The following RPS6KA2 variants were observed in gnomAD, a reference collection of about 807,000 sequenced individuals.
RPS6KA2 encodes ribosomal protein S6 kinase A2.
Under a neutral mutation model 91.8 loss-of-function variants are expected in RPS6KA2, and 42 were observed. The ratio of observed to expected loss-of-function variants is 0.46; its 90% CI spans 0.36 to 0.59. RPS6KA2 has a LOEUF of 0.59. Among genes scored for constraint, RPS6KA2 ranks in the 20% least tolerant of loss-of-function variants. The pLI is 0.00. For missense variants in RPS6KA2, 798 were observed against 978.5 expected, an observed-to-expected ratio of 0.82 and a Z score of 2.46; for synonymous variants, 414 against 393.6, an observed-to-expected ratio of 1.05 and a Z score of -0.61.
chr6:166,466,249 A>G (rs1379054939), intron 11 of RPS6KA2, among the ~76,000 whole-genome samples: 1 of 152,142 alleles, frequency 6.6e-6, no homozygotes, highest in Non-Finnish European at 1.5e-5. Context: ...CTGTGTAGAG[A>G]AGGCTCTTAT....
chr6:166,498,809 C>T lies in RPS6KA2; in HGVS notation c.605-159G>A, dbSNP rs183709646. Among the ~76,000 whole-genome samples, 328 of 152,298 alleles carry T rather than the reference C, an allele frequency of 2.2e-3. 4 individuals are homozygous for T. Among genetic ancestry groups the T allele is most frequent in the African/African-American group, 7.3e-3 (305 of 41,556 alleles). ...AAAGCGGGACCATGTGAGTGCTTCC[C>T]GAAGCCCGTCAGTGCCCGAAGCCCG... is the stretch of plus-strand genomic sequence containing the variant. On this transcript the variant is annotated intron_variant, in intron 7 of 20. Coordinates refer to ENST00000265678, the MANE Select transcript of RPS6KA2 (RefSeq NM_021135.6).
intron 2 of RPS6KA2, among the ~76,000 whole-genome samples, chr6:166,826,337 C>T (rs1304125222): frequency 6.6e-6 from 1 of 152,254 alleles, no homozygotes; most frequent in African/African-American, 2.4e-5. Flanking sequence ...TCTCTTCTCT[C>T]ACACACAATC....
At chr6:166,509,121 T>C (rs947996887) in intron 4 of RPS6KA2, among the ~76,000 whole-genome samples, 19 of 152,230 alleles carry the variant, frequency 1.2e-4, no homozygotes, top group Non-Finnish European at 1.0e-4. Context: ...GCATCATAAA[T>C]GTGGGGGTTT....
At chr6:166,461,762 T>G (rs1404268601) in intron 11 of RPS6KA2, among the ~76,000 whole-genome samples, 1 of 152,198 alleles carries the variant, frequency 6.6e-6, no homozygotes, top group Non-Finnish European at 1.5e-5. Flanking sequence ...GTGAAGTGTT[T>G]ACCTCCGGAA....
intron 2 of RPS6KA2, among the ~76,000 whole-genome samples, chr6:166,766,635 A>G (rs1237762612): frequency 6.6e-6 from 1 of 152,234 alleles, no homozygotes. Context: ...AAAGACATTT[A>G]TAAGTATGGC....
chr6:166,640,486 CA>C (rs1787395724), intron 2 of RPS6KA2, among the ~76,000 whole-genome samples: 1 of 152,154 alleles, frequency 6.6e-6, no homozygotes, highest in Non-Finnish European at 1.5e-5. Flanking sequence ...CTCCCCTCAT[CA>C]GGGGAGCTCG....
chr6:166,815,040 C>T (rs375258632), intron 2 of RPS6KA2, among the ~76,000 whole-genome samples: 1 of 152,286 alleles, frequency 6.6e-6, no homozygotes, highest in African/African-American at 2.4e-5. Flanking sequence ...GGGACCACTG[C>T]TTTCAAGGTA....
intron 2 of RPS6KA2, chr6:166,702,290 G>C: frequency 3.1e-6 from 5 of 1,613,498 alleles, no homozygotes; most frequent in African/African-American, 2.7e-5. Context: ...CCCCTGCCTT[G>C]AGGAGCCCCT....
chr6:166,715,131 T>C (rs1789974953), intron 2 of RPS6KA2, among the ~76,000 whole-genome samples: 1 of 152,170 alleles, frequency 6.6e-6, no homozygotes, highest in South Asian at 2.1e-4. Flanking sequence ...GGTGGAGCAC[T>C]GGGAGGCCCC....
intron 1 of RPS6KA2, among the ~76,000 whole-genome samples, chr6:166,615,927 T>C (rs1215230141): frequency 6.6e-6 from 1 of 152,190 alleles, no homozygotes; most frequent in Non-Finnish European, 1.5e-5. Flanking sequence ...TCTCCCTGCA[T>C]ACACAGGCCT....
chr6:166,573,463 T>G (rs1256833758), intron 1 of RPS6KA2, among the ~76,000 whole-genome samples: 1 of 152,240 alleles, frequency 6.6e-6, no homozygotes, highest in Non-Finnish European at 1.5e-5. Flanking sequence ...GAAGACGTAC[T>G]GCTGTCTATG....
intron 7 of RPS6KA2, among the ~76,000 whole-genome samples, chr6:166,499,512 G>A (rs935505116): frequency 1.3e-5 from 2 of 152,234 alleles, no homozygotes; most frequent in African/African-American, 4.8e-5. Context: ...AATCATGGGG[G>A]TGGGTTTTTC....
At position 166,557,886 on chromosome 6, in the gene RPS6KA2, G is replaced by A. The variant is rs887566095; in HGVS notation, c.100-19102C>T. Among the ~76,000 whole-genome samples, 1 of 151,988 alleles carries A rather than the reference G, an allele frequency of 6.6e-6. No individual in the cohort carries two copies. Among genetic ancestry groups the A allele is most frequent in the South Asian group, 2.1e-4 (1 of 4,818 alleles). On this transcript the variant is annotated intron_variant, in intron 1 of 20. Coordinates refer to ENST00000265678, the MANE Select transcript of RPS6KA2 (RefSeq NM_021135.6). This position sits in a 1 kb window ranked among gnomAD's most constrained non-coding sequence, Gnocchi z 4.8. The stretch of plus-strand genomic sequence containing the variant: ...AGCCTGTTACACCAGTGTATGTCAG[G>A]GTTCTTCAGAAAAACAAAACCAGTA...
In RPS6KA2 at chr6:166,829,116, G is replaced by C. The variant is rs1032185437; in HGVS notation, c.123+29084C>G. 1.6e-3 allele frequency among the ~76,000 whole-genome samples: 251 copies of C among 152,254 alleles called. 2 individuals carry two copies. The highest frequency in any genetic ancestry group is 5.8e-3 in the African/African-American group (239 of 41,550). On this transcript the variant is annotated intron_variant, in intron 2 of 21. Coordinates refer to the RPS6KA2 transcript ENST00000503859. Reference sequence around the variant, plus strand: ...CAACATCACGAATCATGAGAGAAATGCAAATTAAAGCCACAGTAAGGCACC... The same window carrying C: ...CAACATCACGAATCATGAGAGAAATCCAAATTAAAGCCACAGTAAGGCACC...
At chr6:166,558,392 T>C (rs1014576306) in intron 1 of RPS6KA2, among the ~76,000 whole-genome samples, 340 of 152,310 alleles carry the variant, frequency 2.2e-3, no homozygotes, top group African/African-American at 7.9e-3. Context: ...CCTACCCGTA[T>C]CTAGGGGGCA....
At chr6:166,514,038 T>C (rs1782557933) in intron 3 of RPS6KA2, among the ~76,000 whole-genome samples, 1 of 152,200 alleles carries the variant, frequency 6.6e-6, no homozygotes, top group African/African-American at 2.4e-5. Flanking sequence ...TTCTTCTCTA[T>C]GTAGGTGAAC....
intron 2 of RPS6KA2, among the ~76,000 whole-genome samples, chr6:166,764,360 C>T (rs891581918): frequency 6.6e-6 from 1 of 152,078 alleles, no homozygotes; most frequent in African/African-American, 2.4e-5. Flanking sequence ...CCAGGGTGGC[C>T]GAGGAGCAGG....
At chr6:166,690,544 T>C (rs983924462) in intron 2 of RPS6KA2, among the ~76,000 whole-genome samples, 3 of 152,232 alleles carry the variant, frequency 2.0e-5, no homozygotes, top group Non-Finnish European at 4.4e-5. Flanking sequence ...ACTCCCTCTA[T>C]GAGCTCGAAG....
At chr6:166,729,921 G>A (rs959671885) in intron 2 of RPS6KA2, among the ~76,000 whole-genome samples, 6 of 152,058 alleles carry the variant, frequency 3.9e-5, no homozygotes, top group Non-Finnish European at 8.8e-5. Flanking sequence ...TGTCTAAATG[G>A]GCTTCCCATG....
Sources: gnomAD v4.1 joint callset for allele counts (sites outside exome capture counted in the v4.1 genomes callset) on GRCh38, gnomAD v4.1.1 for gene constraint, Gnocchi (gnomAD v3.1) non-coding constraint, MANE v1.5 for transcripts, NCBI Gene and HGNC (gene_info 2026-07-23, HGNC 2026-07-21) for gene names.